The following ERBB4 variants were observed in gnomAD, a reference collection of about 807,000 sequenced individuals.
ERBB4 encodes the protein erb-b2 receptor tyrosine kinase 4.
Under a neutral mutation model 158.0 loss-of-function variants are expected in ERBB4, and 42 were observed. The ratio of observed to expected loss-of-function variants is 0.27; its 90% CI spans 0.21 to 0.34. The LOEUF is 0.34. ERBB4 is among the 10% of genes least tolerant of loss of function. The pLI is 1.00. For missense variants in ERBB4, 1,333 were observed against 1,624.1 expected (o/e 0.82, Z 3.08); for synonymous variants, 583 against 558.7 (o/e 1.04, Z -0.61).
intron 3 of ERBB4, among the ~76,000 whole-genome samples, chr2:211,933,053 T>C (rs2080219458): frequency 6.6e-6 from 1 of 152,028 alleles, no homozygotes; most frequent in Admixed American, 6.6e-5. Flanking sequence ...TTGTGACCCC[T>C]GATGTATTTA....
At chr2:211,875,834 G>A (rs2078484599) in intron 3 of ERBB4, among the ~76,000 whole-genome samples, 1 of 152,196 alleles carries the variant, frequency 6.6e-6, no homozygotes, top group Admixed American at 6.5e-5. Context: ...TCTATGTTCA[G>A]ATACACACAT....
chr2:212,321,246 A>C (rs1319852223), intron 1 of ERBB4, among the ~76,000 whole-genome samples: 1 of 150,582 alleles, frequency 6.6e-6, no homozygotes, highest in Non-Finnish European at 1.5e-5. Flanking sequence ...TAAAGTGATT[A>C]AAGAACAACT....
chr2:212,111,013 C>CA (rs1199546512), intron 2 of ERBB4, among the ~76,000 whole-genome samples: 1 of 152,168 alleles, frequency 6.6e-6, no homozygotes, highest in Non-Finnish European at 1.5e-5. Flanking sequence ...ACTTGGGATG[C>CA]AAAGCACATT....
intron 1 of ERBB4, among the ~76,000 whole-genome samples, chr2:212,448,135 A>G (rs1291217256): frequency 6.6e-6 from 1 of 152,160 alleles, no homozygotes; most frequent in East Asian, 1.9e-4. Flanking sequence ...TCTCTAAGAT[A>G]ATATTATCAT....
Position 211,601,471 on chromosome 2 carries a change from A to G in ERBB4, c.2301+17706T>C, listed in dbSNP as rs147936207. 3.5e-3 allele frequency among the ~76,000 whole-genome samples: 533 copies of G among 152,078 alleles called. 3 individuals carry two copies. Among genetic ancestry groups the G allele is most frequent in the South Asian group, 0.015 (73 of 4,828 alleles). On this transcript the variant is annotated intron_variant, in intron 19 of 27. Coordinates refer to ENST00000342788, the MANE Select transcript of ERBB4 (RefSeq NM_005235.3). Reference sequence around the variant, plus strand: ...GTTTCCAGATTCAAAGCATCCCTCAAGAGCTCAGAACAATGAATGAAGAAA... The same window carrying G: ...GTTTCCAGATTCAAAGCATCCCTCAGGAGCTCAGAACAATGAATGAAGAAA...
At chr2:212,130,951 T>G (rs887458575) in intron 1 of ERBB4, among the ~76,000 whole-genome samples, 1 of 152,204 alleles carries the variant, frequency 6.6e-6, no homozygotes, top group Admixed American at 6.5e-5. Context: ...AGTACTTTCC[T>G]TTTCAGAAAT....
At chr2:212,182,290 G>A (rs556650019) in intron 1 of ERBB4, among the ~76,000 whole-genome samples, 4 of 151,882 alleles carry the variant, frequency 2.6e-5, no homozygotes, top group African/African-American at 9.6e-5. Context: ...AATCACTGGG[G>A]ATGGTATTGA....
Position 211,825,452 on chromosome 2 carries a change from T to A in ERBB4, c.422-37293A>T, listed in dbSNP as rs188442845. Among the ~76,000 whole-genome samples the A allele has an allele frequency of 1.7e-3, 262 of 151,976 alleles. 3 individuals carry two copies. The highest frequency in any genetic ancestry group is 5.8e-3 in the African/African-American group (241 of 41,546). ...ATTATTTTTTGTCTCTTCTGACTTC[T>A]ATAACTTAGCAACAACAAATTAAAT... On this transcript the variant is annotated intron_variant, in intron 3 of 27. Transcript: ENST00000342788.
At chr2:211,533,048 T>C (rs1285057064) in intron 20 of ERBB4, among the ~76,000 whole-genome samples, 1 of 151,584 alleles carries the variant, frequency 6.6e-6, no homozygotes, top group African/African-American at 2.4e-5. Flanking sequence ...GTGGTTGCTA[T>C]TGGTTTTACA....
In ERBB4 at chr2:211,426,054, T is replaced by C. The variant is rs549577777; in HGVS notation, c.2720-1753A>G. ...GTTATAAAAGATAGAGTAGATACTC[T>C]CACATTTCTAGCAGAACTCCCAACA... On this transcript the variant is annotated intron_variant, in intron 22 of 27. Transcript: ENST00000342788. 4.7e-4 allele frequency among the ~76,000 whole-genome samples: 72 copies of C among 152,054 alleles called. No individual in the cohort carries two copies. The South Asian group carries it at 6.7e-3, about 14-fold the overall frequency.
intron 20 of ERBB4, among the ~76,000 whole-genome samples, chr2:211,515,912 A>ATATATATATATATATATATTTTTTT (rs35696520): frequency 5.1e-5 from 4 of 78,974 alleles, no homozygotes; most frequent in Non-Finnish European, 9.6e-5. Context: ...ATATATATAT[A>ATATATATATATATATATATTTTTTT]TTTTTTTTTT....
At position 211,552,336 on chromosome 2, in the gene ERBB4, GAAAA is replaced by G. The variant is rs537506266; in HGVS notation, c.2487+9563_2487+9566del. Among the ~76,000 whole-genome samples the G allele has an allele frequency of 1.7e-4, 25 of 151,494 alleles. No homozygotes were observed. The East Asian group carries it at 4.8e-3, about 29-fold the overall frequency. ...ATCAGTCTGTTTGCAAAAATACACT[GAAAA>G]ATTCTTTATTTATAGGTAGAATCTA... On this transcript the variant is annotated intron_variant, in intron 20 of 27. Transcript: ENST00000342788.
chr2:211,630,161 A>G (rs898790969), intron 17 of ERBB4, among the ~76,000 whole-genome samples: 4 of 152,216 alleles, frequency 2.6e-5, no homozygotes, highest in East Asian at 1.9e-4. Context: ...ATCTGCTGCT[A>G]TTGAGATATC....
intron 24 of ERBB4, 146 bp from the exon 25 acceptor site, chr2:211,420,757 A>G (rs959519309): frequency 5.7e-5 from 41 of 718,094 alleles, no homozygotes; most frequent in Non-Finnish European, 8.5e-5. Context: ...TAGCACAACC[A>G]CCGGCCATTA....
At chr2:212,387,148 T>C (rs1183698274) in intron 1 of ERBB4, among the ~76,000 whole-genome samples, 1 of 152,136 alleles carries the variant, frequency 6.6e-6, no homozygotes, top group African/African-American at 2.4e-5. Flanking sequence ...ATATTATATG[T>C]ATCTGTCTAC....
At position 211,377,942 on chromosome 2, in the gene ERBB4, T is replaced by C. The variant is rs1574493008; in HGVS notation, c.*5673A>G. On this transcript the variant is annotated 3_prime_UTR_variant, in exon 28 of 28. Transcript: ENST00000342788. Reference sequence around the variant, plus strand: ...GTAGTTTGATAGTTCACTTAAACAGTGTCCAAATTGCTAGAATCTCTTATG... The same window carrying C: ...GTAGTTTGATAGTTCACTTAAACAGCGTCCAAATTGCTAGAATCTCTTATG... The C allele has an allele frequency of 8.6e-6, 2 of 232,886 alleles. No individual in the cohort carries two copies. Among genetic ancestry groups the C allele is most frequent in the Non-Finnish European group, 8.5e-6 (1 of 117,524 alleles). The allele number at this position is 232,886 out of a possible 1,614,324, so 14.4% of individuals were successfully genotyped here. A position where few individuals can be genotyped will look rare whatever the true frequency, so the allele number is the denominator to read the frequency against.
At chr2:211,703,239 G>A (rs991261274) in intron 11 of ERBB4, among the ~76,000 whole-genome samples, 1 of 152,052 alleles carries the variant, frequency 6.6e-6, no homozygotes, top group African/African-American at 2.4e-5. Flanking sequence ...TTAGCACAAT[G>A]TCTTGACTGG....
chr2:212,010,441 G>A (rs1273472735), intron 2 of ERBB4, among the ~76,000 whole-genome samples: 1 of 151,992 alleles, frequency 6.6e-6, no homozygotes, highest in Non-Finnish European at 1.5e-5. Context: ...ATTTCAAAAG[G>A]GAAGGGGTAT....
At chr2:212,450,313 A>G (rs1244328879) in intron 1 of ERBB4, among the ~76,000 whole-genome samples, 1 of 152,186 alleles carries the variant, frequency 6.6e-6, no homozygotes, top group African/African-American at 2.4e-5. Context: ...GATTTTACAG[A>G]TACAATAAAT....
Sources: gnomAD v4.1 joint callset for allele counts (sites outside exome capture counted in the v4.1 genomes callset) on GRCh38, gnomAD v4.1.1 for gene constraint, MANE v1.5 for transcripts, NCBI Gene and HGNC (gene_info 2026-07-23, HGNC 2026-07-21) for gene names.